STAT5B: variants seen among roughly 807,000 people sequenced by gnomAD.
STAT5B encodes the protein transcription factor STAT5B.
In STAT5B, 21 loss-of-function variants were observed where a neutral mutation model predicts 107.8. The observed-to-expected ratio is 0.19, with a 90% CI of 0.14 to 0.28. STAT5B has a LOEUF of 0.28. Among genes scored for constraint, STAT5B ranks in the 10% least tolerant of loss-of-function variants. The pLI is 1.00. For missense variants in STAT5B, 565 were observed against 1,008.2 expected (o/e 0.56, Z 5.95); for synonymous variants, 325 against 401.7 (o/e 0.81, Z 2.28).
chr17:42,254,082 A>C (rs2080521770), intron 1 of STAT5B, among the ~76,000 whole-genome samples: 1 of 152,146 alleles, frequency 6.6e-6, no homozygotes, highest in Non-Finnish European at 1.5e-5. Flanking sequence ...AAATCACTTT[A>C]CTAGCCCTAT....
chr17:42,270,162 T>C (rs2080710736), intron 1 of STAT5B, among the ~76,000 whole-genome samples: 1 of 152,132 alleles, frequency 6.6e-6, no homozygotes, highest in South Asian at 2.1e-4. Context: ...TGAGCCAAGA[T>C]CGCGCCACTG....
intron 5 of STAT5B, among the ~76,000 whole-genome samples, chr17:42,221,607 GAA>G (rs1233764543): frequency 4.6e-5 from 7 of 152,174 alleles, no homozygotes; most frequent in South Asian, 2.1e-4. Flanking sequence ...ACTTGGGTAG[GAA>G]TAGCCATCCC....
Position 42,220,557 on chromosome 17 carries a change from G to A in STAT5B, c.551-715C>T, listed in dbSNP as rs1377257517. Among the ~76,000 whole-genome samples, 6 of 151,980 alleles carry A rather than the reference G, an allele frequency of 3.9e-5. No individual in the cohort carries two copies. The South Asian group carries it at 6.2e-4, about 16-fold the overall frequency. On this transcript the variant is annotated intron_variant, in intron 5 of 18. Coordinates refer to ENST00000293328, the MANE Select transcript of STAT5B (RefSeq NM_012448.4). Reference sequence around the variant, plus strand: ...GATGAGATTCTTGAGAGGCTGGAAGGGGCCCAGCATGTTTGTCCAGGTGAG... The same window carrying A: ...GATGAGATTCTTGAGAGGCTGGAAGAGGCCCAGCATGTTTGTCCAGGTGAG...
intron 1 of STAT5B, among the ~76,000 whole-genome samples, chr17:42,248,763 C>T (rs1263957103): frequency 1.3e-5 from 2 of 152,226 alleles, no homozygotes; most frequent in African/African-American, 4.8e-5. Context: ...CCGGAAGAAG[C>T]GAAGAGCAGC....
At chr17:42,271,911 T>C (rs1042039269) in intron 1 of STAT5B, 5 of 152,230 alleles carry the variant, frequency 3.3e-5, no homozygotes, top group African/African-American at 1.2e-4. Context: ...TTGTGCACCA[T>C]GCTAATGCAA....
At chr17:42,248,719 C>T (rs2080473677) in intron 1 of STAT5B, among the ~76,000 whole-genome samples, 1 of 152,226 alleles carries the variant, frequency 6.6e-6, no homozygotes, top group Non-Finnish European at 1.5e-5. Context: ...CAGAGCCCTT[C>T]TGTGTATGTG....
At chr17:42,265,933 T>A (rs1277555220) in intron 1 of STAT5B, among the ~76,000 whole-genome samples, 1 of 152,150 alleles carries the variant, frequency 6.6e-6, no homozygotes, top group East Asian at 1.9e-4. Flanking sequence ...ATGGGAATCA[T>A]CTTTTTCTTA....
At chr17:42,213,409 G>A (rs1434963506) in intron 12 of STAT5B, among the ~76,000 whole-genome samples, 1 of 152,144 alleles carries the variant, frequency 6.6e-6, no homozygotes, top group Admixed American at 6.5e-5. Flanking sequence ...GTTTTGCTAT[G>A]TTGACAAGGC....
At chr17:42,231,435 A>G (rs754445935) in intron 2 of STAT5B, among the ~76,000 whole-genome samples, 11 of 151,986 alleles carry the variant, frequency 7.2e-5, no homozygotes, top group Non-Finnish European at 1.3e-4. Context: ...TTTGCCTCCC[A>G]GGCTCAAGTG....
At position 42,217,239 on chromosome 17, in the gene STAT5B, G is replaced by C; in HGVS notation, c.1301C>G (p.Ser434Trp). The C allele has an allele frequency of 1.2e-6, 2 of 1,614,106 alleles. No individual in the cohort carries two copies. The highest frequency in any genetic ancestry group is 4.5e-5 in the East Asian group (2 of 44,878). The change falls in exon 11 of 19, where the codon TCG (serine) becomes TGG (tryptophan). Residue 434 changes from serine (S) to tryptophan (W), a missense_variant. Physicochemically the swap from Ser to Trp is radical, Grantham distance 177 (BLOSUM62 -3). This residue lies in a region of STAT5B where 127 missense variants were observed against 215.8 expected (regional missense o/e 0.59). Transcript: ENST00000293328. The stretch of plus-strand genomic sequence containing the variant: ...GATTGTAAATTTTTCTTCTGTCACC[G>C]ACTCTGCCCCACGACGGTCTGACCT... ...IKRSDRRGAE[S>W]VTEEKFTILF...
At chr17:42,235,488 T>G (rs958732644) in intron 1 of STAT5B, 14 of 149,756 alleles carry the variant, frequency 9.3e-5, no homozygotes, top group African/African-American at 3.2e-4. Context: ...CAATTACAAT[T>G]TTTTTTTTTT....
chr17:42,266,555 A>T (rs530887733), intron 1 of STAT5B, among the ~76,000 whole-genome samples: 107 of 151,928 alleles, frequency 7.0e-4, no homozygotes, highest in African/African-American at 1.8e-3. Flanking sequence ...ATAAAAAAAA[A>T]AAAAAAAAAA....
intron 1 of STAT5B, among the ~76,000 whole-genome samples, chr17:42,258,774 C>T (rs951989768): frequency 2.0e-5 from 3 of 152,208 alleles, no homozygotes; most frequent in Non-Finnish European, 2.9e-5. Context: ...TCTGAAGCTC[C>T]GTTTGTTCAG....
Position 42,216,038 on chromosome 17 carries a change from G to C in STAT5B, c.1449C>G (p.Leu483=). The C allele has an allele frequency of 6.2e-7, 1 of 1,614,054 alleles. No homozygotes were observed. Residue 483 remains leucine, a synonymous_variant, in exon 12 of 19, where the codon CTC becomes CTG. Transcript: ENST00000293328. ...SQDNNATATV[L]WDNAFAEPGR... ...CAGGCTCTGCAAAAGCATTGTCCCA[G>C]AGAACAGTGGCCGTCGCATTGTTGT... is the stretch of plus-strand genomic sequence containing the variant.
At chr17:42,220,618 G>A (rs905919622) in intron 5 of STAT5B, among the ~76,000 whole-genome samples, 14 of 152,142 alleles carry the variant, frequency 9.2e-5, no homozygotes, top group Admixed American at 3.3e-4. Flanking sequence ...CAGGGAACAC[G>A]GACAGACAGA....
chr17:42,233,488 C>CTT (rs1170989753), intron 1 of STAT5B, among the ~76,000 whole-genome samples: 2 of 139,212 alleles, frequency 1.4e-5, no homozygotes, highest in East Asian at 4.2e-4. Context: ...CAGGTAGTTT[C>CTT]TTTTTTTTTT....
At chr17:42,231,857 A>T in intron 2 of STAT5B, 143 bp downstream of exon 2, 4 of 1,293,896 alleles carry the variant, frequency 3.1e-6, no homozygotes, top group Non-Finnish European at 4.2e-6. Context: ...AAAAGAAAAA[A>T]AATTTTAAAT....
intron 4 of STAT5B, 76 bp downstream of exon 4, chr17:42,224,703 G>A (rs1394748972): frequency 6.9e-7 from 1 of 1,454,368 alleles, no homozygotes; most frequent in East Asian, 2.3e-5. Flanking sequence ...GAGTCACCTT[G>A]ACAAAGGTGG....
At chr17:42,207,231 C>T (rs975767170) in intron 16 of STAT5B, among the ~76,000 whole-genome samples, 4 of 152,040 alleles carry the variant, frequency 2.6e-5, no homozygotes, top group African/African-American at 9.7e-5. Flanking sequence ...ATATGTAATA[C>T]TTCTAAACTC....
Sources: gnomAD v4.1 joint callset for allele counts (sites outside exome capture counted in the v4.1 genomes callset) on GRCh38, gnomAD v4.1.1 for gene constraint, gnomAD v4.1.1 regional missense constraint, MANE v1.5 for transcripts, NCBI Gene and HGNC (gene_info 2026-07-23, HGNC 2026-07-21) for gene names.